The following ITIH2 variants were observed in gnomAD, a reference collection of about 807,000 sequenced individuals.
ITIH2 encodes the protein inter-alpha-trypsin inhibitor heavy chain H2.
A neutral mutation model predicts 104.4 loss-of-function variants in ITIH2; 103 were observed. The observed-to-expected ratio is 0.99, with a 90% CI of 0.84 to 1.16. ITIH2 has a LOEUF of 1.16. Ranked by LOEUF, ITIH2 falls within the 50% of genes most tolerant of loss-of-function variation. ITIH2 has a pLI of 0.00. For synonymous variants in ITIH2, 436 were observed against 435.4 expected (o/e 1.00, Z -0.02); for missense variants, 1,108 against 1,162.4 (o/e 0.95, Z 0.68).
At chr10:7,727,472 A>G (rs777778042) in intron 10 of ITIH2, among the ~76,000 whole-genome samples, 1 of 152,222 alleles carries the variant, frequency 6.6e-6, no homozygotes, top group Non-Finnish European at 1.5e-5. Context: ...TGTGCTTTGA[A>G]AGGGCTAGTT....
chr10:7,746,067 T>TAAAAAAAAAA (rs1564308527), intron 19 of ITIH2, among the ~76,000 whole-genome samples: 2 of 51,092 alleles, frequency 3.9e-5, no homozygotes, highest in African/African-American at 1.8e-4. Context: ...AATCTTAAAT[T>TAAAAAAAAAA]TAAAAAAAAA....
chr10:7,734,879 C>T lies in ITIH2; in HGVS notation c.1788-43C>T, dbSNP rs201184709. 1,475 of 1,538,602 alleles carry T rather than the reference C, an allele frequency of 9.6e-4. 3 individuals are homozygous for T. Among genetic ancestry groups the T allele is most frequent in the Non-Finnish European group, 1.1e-3 (1,249 of 1,131,256 alleles). ...AGGGAGCTGACTTGCGCTCCCCCTC[C>T]AATGCAGCCATGCTCCATAACACCT... On this transcript the variant is annotated intron_variant, in intron 14 of 20. Transcript: ENST00000358415.
intron 2 of ITIH2, 33 bp downstream of exon 2, chr10:7,705,215 A>G (rs751042004): frequency 7.2e-7 from 1 of 1,396,392 alleles, no homozygotes; most frequent in Non-Finnish European, 1.0e-6. Context: ...AAGGGGGAAA[A>G]AAAGTGAAAG....
intron 15 of ITIH2, among the ~76,000 whole-genome samples, chr10:7,738,207 T>TAC: frequency 2.0e-5 from 2 of 98,636 alleles, no homozygotes; most frequent in African/African-American, 7.4e-5. Context: ...TAAAATATTA[T>TAC]ATATTATATT....
intron 16 of ITIH2, among the ~76,000 whole-genome samples, chr10:7,739,238 C>T (rs1018842781): frequency 1.3e-5 from 2 of 152,158 alleles, no homozygotes; most frequent in African/African-American, 4.8e-5. Flanking sequence ...CCTTGCGTTG[C>T]AGCCTTCACC....
At chr10:7,729,660 T>A (rs1410471689) in intron 11 of ITIH2, among the ~76,000 whole-genome samples, 1 of 152,138 alleles carries the variant, frequency 6.6e-6, no homozygotes, top group Non-Finnish European at 1.5e-5. Flanking sequence ...CTGCATAGTA[T>A]CTCACGGTTT....
At chr10:7,728,775 C>T (rs1202763310) in intron 11 of ITIH2, among the ~76,000 whole-genome samples, 2 of 151,956 alleles carry the variant, frequency 1.3e-5, no homozygotes. Flanking sequence ...AGTGTGCTGT[C>T]GTACAGACTA....
intron 15 of ITIH2, 131 bp from the exon 16 acceptor site, chr10:7,738,490 G>A: frequency 9.1e-6 from 9 of 986,660 alleles, no homozygotes; most frequent in Non-Finnish European, 1.2e-5. Flanking sequence ...AGAGAACTCT[G>A]GAATAAAAAC....
intron 16 of ITIH2, among the ~76,000 whole-genome samples, chr10:7,741,014 C>G (rs148595638): frequency 1.3e-5 from 2 of 152,264 alleles, no homozygotes; most frequent in African/African-American, 4.8e-5. Flanking sequence ...AGCACAGATT[C>G]ACTGTTGCCT....
At chr10:7,723,284 A>C (rs1207277816) in intron 8 of ITIH2, among the ~76,000 whole-genome samples, 167 bp from the exon 9 acceptor site, 1 of 152,022 alleles carries the variant, frequency 6.6e-6, no homozygotes, top group Admixed American at 6.6e-5. Context: ...TGACCCTCAG[A>C]GGAGAGGAGG....
chr10:7,749,284 T>A lies in ITIH2; in HGVS notation c.2791T>A (p.Tyr931Asn). Residue 931 changes from tyrosine (Y) to asparagine (N), a missense_variant, in exon 21 of 21, where the codon TAC becomes AAC. Physicochemically the swap from Tyr to Asn is moderately radical, Grantham distance 143 (BLOSUM62 -2). Coordinates refer to ENST00000358415, the MANE Select transcript of ITIH2 (RefSeq NM_002216.3). ...NSGKGFIDGHYKDYFVPQLYS... is the reference protein window; with the variant it reads ...NSGKGFIDGHNKDYFVPQLYS... ...TGGAAAAGGATTCATTGACGGGCAT[T>A]ACAAGGATTACTTCGTGCCTCAGCT... The A allele has an allele frequency of 6.2e-7, 1 of 1,614,176 alleles. No individual in the cohort carries two copies. The highest frequency in any genetic ancestry group is 8.5e-7 in the Non-Finnish European group (1 of 1,179,996).
At chr10:7,738,934 T>A (rs908590564) in intron 16 of ITIH2, among the ~76,000 whole-genome samples, 176 bp downstream of exon 16, 1 of 152,230 alleles carries the variant, frequency 6.6e-6, no homozygotes, top group East Asian at 1.9e-4. Context: ...TGTTTGTTTT[T>A]AATCATGTAT....
intron 6 of ITIH2, 87 bp from the exon 7 acceptor site, chr10:7,720,769 C>T: frequency 2.5e-6 from 2 of 804,364 alleles, no homozygotes; most frequent in South Asian, 3.0e-5. Flanking sequence ...AGAAAAGCAT[C>T]AGAGGACTTA....
chr10:7,725,123 C>T (rs751484782), intron 9 of ITIH2, among the ~76,000 whole-genome samples: 4 of 152,126 alleles, frequency 2.6e-5, no homozygotes, highest in African/African-American at 9.7e-5. Context: ...ATAAACAATA[C>T]ACATGCAAGT....
intron 12 of ITIH2, among the ~76,000 whole-genome samples, chr10:7,730,487 C>T (rs1431632308): frequency 6.6e-6 from 1 of 152,130 alleles, no homozygotes; most frequent in East Asian, 1.9e-4. Context: ...CGTGCATTGG[C>T]ATCTTGGTAT....
intron 12 of ITIH2, 45 bp downstream of exon 12, chr10:7,730,178 T>C (rs1834989221): frequency 7.2e-7 from 1 of 1,390,178 alleles, no homozygotes; most frequent in Non-Finnish European, 1.0e-6. Context: ...CTGGAAATCA[T>C]TTAACTACCC....
At chr10:7,711,525 A>G (rs1389321115) in intron 4 of ITIH2, among the ~76,000 whole-genome samples, 1 of 152,040 alleles carries the variant, frequency 6.6e-6, no homozygotes. Flanking sequence ...TGAATATTCT[A>G]TGGGAGATGA....
At chr10:7,725,107 CAG>C (rs1198634239) in intron 9 of ITIH2, among the ~76,000 whole-genome samples, 1 of 152,106 alleles carries the variant, frequency 6.6e-6, no homozygotes, top group Non-Finnish European at 1.5e-5. Flanking sequence ...GGATAGGGGA[CAG>C]AGAATAAACA....
In ITIH2 at chr10:7,744,143, C is replaced by A. The variant is rs1835153021; in HGVS notation, c.2271C>A (p.Thr757=). 6.2e-7 allele frequency: 1 copy of A among 1,614,042 alleles called. No individual in the cohort carries two copies. The highest frequency in any genetic ancestry group is 1.3e-5 in the African/African-American group (1 of 74,998). ...AGCCCAACAATGGAAAACTAAGCAC[C>A]TATTTTGGAAAACTGGGATTTTATT... ...AKKPNNGKLS[T]YFGKLGFYFQ... is the part of the protein sequence containing the mutation. Residue 757 remains threonine (T), a synonymous_variant, in exon 18 of 21, where the codon ACC becomes ACA. Coordinates refer to ENST00000358415, the MANE Select transcript of ITIH2 (RefSeq NM_002216.3).
Sources: allele counts gnomAD v4.1 joint callset (sites outside exome capture counted in the v4.1 genomes callset), GRCh38; gene constraint gnomAD v4.1.1; transcripts MANE v1.5; gene names NCBI Gene and HGNC (gene_info 2026-07-23, HGNC 2026-07-21).